The following GOLGA5 variants were observed in gnomAD, a reference collection of about 807,000 sequenced individuals.
GOLGA5 encodes golgin A5.
GOLGA5 carries 50 observed loss-of-function variants against 93.5 expected under a neutral mutation model. That is an observed-to-expected ratio of 0.53 (90% CI 0.43 to 0.68). GOLGA5 has a LOEUF of 0.68. Ranked by LOEUF, GOLGA5 falls within the 30% of genes least tolerant of loss-of-function variation. The probability of loss-of-function intolerance (pLI) is 0.00; values close to 1 mark genes in which losing one functional copy is unlikely to be tolerated. For missense variants in GOLGA5, 760 were observed against 856.4 expected (o/e 0.89, Z 1.40); for synonymous variants, 312 against 304.5 (o/e 1.02, Z -0.26).
chr14:92,797,413 C>A lies in GOLGA5; in HGVS notation c.-25C>A. On this transcript the variant is annotated 5_prime_UTR_variant, in exon 2 of 13. Transcript: ENST00000163416. ...ATTTTATGTCCTTTTTACAGGTTTG[C>A]CAATAGGATTATCCTGCTGCCATCA... is the stretch of plus-strand genomic sequence containing the variant. 2 of 1,550,748 alleles carry A rather than the reference C, an allele frequency of 1.3e-6. No homozygotes were observed. The highest frequency in any genetic ancestry group is 1.7e-6 in the Non-Finnish European group (2 of 1,142,962).
chr14:92,809,551 A>G, intron 4 of GOLGA5, 32 bp downstream of exon 4: 1 of 1,345,194 alleles, frequency 7.4e-7, no homozygotes. Flanking sequence ...GAAAAAAATG[A>G]GCAAGTAATG....
chr14:92,828,124 T>C (rs1413643076), intron 9 of GOLGA5, among the ~76,000 whole-genome samples: 2 of 152,236 alleles, frequency 1.3e-5, no homozygotes, highest in Admixed American at 6.5e-5. Context: ...CAACAGATTT[T>C]CAATGTAGAT....
chr14:92,795,813 C>T (rs1358094555), intron 1 of GOLGA5, among the ~76,000 whole-genome samples: 1 of 152,180 alleles, frequency 6.6e-6, no homozygotes, highest in Non-Finnish European at 1.5e-5. Flanking sequence ...CCTAACTTAG[C>T]TGGAAAGGAG....
chr14:92,805,776 A>T (rs1334847140), intron 2 of GOLGA5, among the ~76,000 whole-genome samples: 1 of 152,110 alleles, frequency 6.6e-6, no homozygotes, highest in Non-Finnish European at 1.5e-5. Context: ...TGTTTATATA[A>T]CCTTATAAAG....
chr14:92,832,675 A>G (rs7145982), intron 9 of GOLGA5, among the ~76,000 whole-genome samples: 122,923 of 152,186 alleles, frequency 0.81, 50,182 homozygotes, highest in African/African-American at 0.91. Flanking sequence ...TGATCTTTGC[A>G]CTGCACCGTA....
chr14:92,818,180 C>T (rs4900151), intron 7 of GOLGA5, among the ~76,000 whole-genome samples: 7,139 of 152,184 alleles, frequency 0.047, 225 homozygotes, highest in Admixed American at 0.071. Flanking sequence ...GACCCATTTT[C>T]TTACCCTTCT....
At chr14:92,812,754 T>A (rs575848656) in intron 6 of GOLGA5, among the ~76,000 whole-genome samples, 40 of 152,276 alleles carry the variant, frequency 2.6e-4, no homozygotes, top group African/African-American at 8.7e-4. Context: ...CTTGGCTCTC[T>A]TTTTGTCCTC....
chr14:92,831,843 A>G (rs1230491552), intron 9 of GOLGA5, among the ~76,000 whole-genome samples: 1 of 152,126 alleles, frequency 6.6e-6, no homozygotes, highest in African/African-American at 2.4e-5. Context: ...AGTGCCTACC[A>G]TATGACAGGT....
In GOLGA5 at chr14:92,827,151, C is replaced by A. The variant is rs181383747; in HGVS notation, c.1719+2507C>A. Among the ~76,000 whole-genome samples, 554 of 152,248 alleles carry A rather than the reference C, an allele frequency of 3.6e-3. 2 individuals carry two copies. The highest frequency in any genetic ancestry group is 6.3e-3 in the Admixed American group (96 of 15,296). ...TAAATAGGTAAAAGACTTGAATAGA[C>A]CCTTCCAAAAAGAAGAAAAAAGCAC... On this transcript the variant is annotated intron_variant, in intron 9 of 12. Coordinates refer to ENST00000163416, the MANE Select transcript of GOLGA5 (RefSeq NM_005113.4).
At chr14:92,824,458 T>C (rs983893585) in intron 8 of GOLGA5, 88 bp from the exon 9 acceptor site, 6 of 681,306 alleles carry the variant, frequency 8.8e-6, no homozygotes, top group African/African-American at 1.8e-5. Context: ...ACTGATTGTC[T>C]ACCATGTGCC....
intron 9 of GOLGA5, among the ~76,000 whole-genome samples, chr14:92,831,700 T>C (rs972751349): frequency 1.3e-5 from 2 of 152,194 alleles, no homozygotes; most frequent in Non-Finnish European, 2.9e-5. Context: ...CATCTTAAAA[T>C]TGAGCATTCT....
Position 92,808,202 on chromosome 14 carries a change from G to A in GOLGA5, c.773-1098G>A, listed in dbSNP as rs1161028419. On this transcript the variant is annotated intron_variant, in intron 3 of 12. Transcript: ENST00000163416. Reference sequence around the variant, plus strand: ...GTGGAGGTTGCAGTGAGCCGAGATCGTGCCACTGCATTCCAGCCTGAGCTA... The same window carrying A: ...GTGGAGGTTGCAGTGAGCCGAGATCATGCCACTGCATTCCAGCCTGAGCTA... 2.6e-5 allele frequency among the ~76,000 whole-genome samples: 4 copies of A among 151,864 alleles called. No homozygotes were observed. The South Asian group carries it at 6.2e-4, about 24-fold the overall frequency.
chr14:92,801,429 T>C (rs1196502566), intron 2 of GOLGA5, among the ~76,000 whole-genome samples: 1 of 152,234 alleles, frequency 6.6e-6, no homozygotes. Flanking sequence ...TATTGAACTT[T>C]CATTTTCTGG....
intron 9 of GOLGA5, among the ~76,000 whole-genome samples, chr14:92,829,668 A>G (rs563240253): frequency 2.4e-4 from 36 of 152,332 alleles, no homozygotes; most frequent in Non-Finnish European, 4.3e-4. Flanking sequence ...CTTTTGGTGA[A>G]GATGCTGTGA....
intron 11 of GOLGA5, 83 bp from the exon 12 acceptor site, chr14:92,837,303 C>A: frequency 1.4e-6 from 1 of 701,924 alleles, no homozygotes; most frequent in South Asian, 1.7e-5. Flanking sequence ...AATTTATCAG[C>A]ATCATTAGAT....
chr14:92,837,282 T>A lies in GOLGA5; in HGVS notation c.2052-104T>A, dbSNP rs183324544. 2,240 of 635,846 alleles carry A rather than the reference T, an allele frequency of 3.5e-3. 24 individuals are homozygous for A. Among genetic ancestry groups the A allele is most frequent in the Non-Finnish European group, 2.8e-3 (1,006 of 355,316 alleles). 39.4% of individuals were successfully genotyped at this position (635,846 alleles called of 1,614,324 possible). A position where few individuals can be genotyped will look rare whatever the true frequency, so the allele number is the denominator to read the frequency against. On this transcript the variant is annotated intron_variant, in intron 11 of 12. Coordinates refer to ENST00000163416, the MANE Select transcript of GOLGA5 (RefSeq NM_005113.4). The stretch of plus-strand genomic sequence containing the variant: ...TTCTGTGGTAGCCACATAAATAGTT[T>A]AAATGAGTTAAATTTATCAGCATCA...
chr14:92,810,272 TG>T lies in GOLGA5; in HGVS notation c.1012del (p.Glu338LysfsTer24). The T allele has an allele frequency of 6.2e-7, 1 of 1,602,632 alleles. No individual in the cohort carries two copies. Among genetic ancestry groups the T allele is most frequent in the Non-Finnish European group, 8.5e-7 (1 of 1,172,762 alleles). ...CCTTTAGAATAATGCAGGATCAAAG[TG>T]AAGGTAACAGCCTGCAGAATCAAGC... ...EKSRIMQDQS[E>X]GNSLQNQALQ... On this transcript the variant is annotated frameshift_variant, in exon 5 of 13. Coordinates refer to ENST00000163416, the MANE Select transcript of GOLGA5 (RefSeq NM_005113.4). LOFTEE classifies it high-confidence loss of function.
At chr14:92,834,224 TAA>T (rs1268867632) in intron 10 of GOLGA5, among the ~76,000 whole-genome samples, 3 of 151,480 alleles carry the variant, frequency 2.0e-5, no homozygotes, top group African/African-American at 7.3e-5. Flanking sequence ...TATTATACTT[TAA>T]GTTTTAGGGT....
intron 3 of GOLGA5, among the ~76,000 whole-genome samples, chr14:92,809,032 C>T (rs1166855981): frequency 2.0e-5 from 3 of 152,148 alleles, no homozygotes; most frequent in East Asian, 1.9e-4. Flanking sequence ...ATACTAGTTT[C>T]GGCTCCCAGA....
Sources: gnomAD v4.1 joint callset for allele counts (sites outside exome capture counted in the v4.1 genomes callset) on GRCh38, gnomAD v4.1.1 for gene constraint, MANE v1.5 for transcripts, NCBI Gene and HGNC (gene_info 2026-07-23, HGNC 2026-07-21) for gene names.